The following LTAP1 variants were observed in gnomAD, a reference collection of about 807,000 sequenced individuals.
LTAP1 encodes lipid transport auxiliary protein 1.
At chr1:154,217,454 A>G in the LTAP1 span, among the ~76,000 whole-genome samples, 2 of 152,190 alleles carry the variant, frequency 1.3e-5, no homozygotes, top group South Asian at 2.1e-4. Context: ...TGCCTGTTCT[A>G]GAATTTCATA....
chr1:154,220,127 G>T, the LTAP1 span: 1 of 722,500 alleles, frequency 1.4e-6, no homozygotes, highest in African/African-American at 1.8e-5. Flanking sequence ...GAGGCGTGGG[G>T]TCTGTGCTCT....
chr1:154,209,272 G>T, the LTAP1 span, among the ~76,000 whole-genome samples: 2 of 151,326 alleles, frequency 1.3e-5, no homozygotes, highest in African/African-American at 4.9e-5. Context: ...TTCTGTCTCT[G>T]AGTTTGACTA....
the LTAP1 span, chr1:154,211,624 C>T: frequency 1.6e-4 from 24 of 151,328 alleles, no homozygotes; most frequent in East Asian, 3.5e-3. Context: ...CGTGAGCCAC[C>T]GCGCCCGGCC....
At chr1:154,215,983 G>C in the LTAP1 span, among the ~76,000 whole-genome samples, 3 of 151,526 alleles carry the variant, frequency 2.0e-5, no homozygotes, top group Admixed American at 6.6e-5. Context: ...GACTACAGGC[G>C]CCCGCCACCA....
the LTAP1 span, chr1:154,207,452 G>A: frequency 1.4e-5 from 22 of 1,613,820 alleles, no homozygotes; most frequent in Admixed American, 5.0e-5. Context: ...CTTCAGCTCC[G>A]TCACAGAGTA....
chr1:154,212,274 A>C, the LTAP1 span: 5 of 1,597,194 alleles, frequency 3.1e-6, no homozygotes, highest in Middle Eastern at 1.7e-4. Flanking sequence ...CAACAGTCCA[A>C]CACTACTGTA....
chr1:154,220,346 C>G, the LTAP1 span: 3 of 1,614,232 alleles, frequency 1.9e-6, no homozygotes, highest in African/African-American at 2.7e-5. Flanking sequence ...CCTCACCAGG[C>G]TCCCGTAGGC....
At chr1:154,215,578 A>G in the LTAP1 span, among the ~76,000 whole-genome samples, 3 of 151,682 alleles carry the variant, frequency 2.0e-5, no homozygotes, top group African/African-American at 7.3e-5. Flanking sequence ...AAAAAAAAAA[A>G]GATACTAAAG....
chr1:154,212,943 G>A, the LTAP1 span, among the ~76,000 whole-genome samples: 1 of 151,990 alleles, frequency 6.6e-6, no homozygotes, highest in South Asian at 2.1e-4. Flanking sequence ...AAAGCGTTGG[G>A]ATTACAGGCA....
At chr1:154,213,908 C>T in the LTAP1 span, 8 of 1,613,074 alleles carry the variant, frequency 5.0e-6, no homozygotes, top group South Asian at 8.8e-5. Context: ...GTACGAATGG[C>T]ATCCAGAGCT....
At chr1:154,212,235 T>C in the LTAP1 span, 2 of 1,401,990 alleles carry the variant, frequency 1.4e-6, no homozygotes, top group Non-Finnish European at 2.0e-6. Context: ...ATTTTGTTTA[T>C]ATGCTTTATG....
chr1:154,220,177 G>T, the LTAP1 span: 1 of 902,564 alleles, frequency 1.1e-6, no homozygotes, highest in Non-Finnish European at 1.8e-6. Flanking sequence ...AGGGCGGGTC[G>T]GCCCGACTAA....
At chr1:154,220,365 GCACGA>G in the LTAP1 span, 1 of 1,614,112 alleles carries the variant, frequency 6.2e-7, no homozygotes, top group African/African-American at 1.3e-5. Flanking sequence ...GCCATCACCA[GCACGA>G]CATTCACCCC....
At chr1:154,220,528 G>C in the LTAP1 span, 1 of 1,099,254 alleles carries the variant, frequency 9.1e-7, no homozygotes, top group African/African-American at 1.5e-5. Flanking sequence ...TTCCTTACGG[G>C]GGAAGACCAA....
chr1:154,215,645 T>C, the LTAP1 span, among the ~76,000 whole-genome samples: 4 of 152,026 alleles, frequency 2.6e-5, no homozygotes, highest in African/African-American at 9.7e-5. Flanking sequence ...TATTAATCTC[T>C]CTTACCTAAG....
the LTAP1 span, among the ~76,000 whole-genome samples, chr1:154,218,642 T>C: frequency 6.6e-6 from 1 of 152,222 alleles, no homozygotes; most frequent in Non-Finnish European, 1.5e-5. Flanking sequence ...AGCAACAAAT[T>C]ACAGAGTACC....
chr1:154,216,150 T>C, the LTAP1 span, among the ~76,000 whole-genome samples: 1 of 152,064 alleles, frequency 6.6e-6, no homozygotes, highest in Non-Finnish European at 1.5e-5. Context: ...CCACTAACTT[T>C]CAAGTCTTGT....
the LTAP1 span, among the ~76,000 whole-genome samples, chr1:154,217,199 TC>T: frequency 6.6e-6 from 1 of 152,106 alleles, no homozygotes. Flanking sequence ...TCCACCTGCC[TC>T]AGCCTCCCAA....
At chr1:154,208,898 C>T in the LTAP1 span, among the ~76,000 whole-genome samples, 1 of 152,090 alleles carries the variant, frequency 6.6e-6, no homozygotes, top group East Asian at 1.9e-4. Flanking sequence ...CAGGTGCATA[C>T]CACAATGCCC....
Sources: allele counts gnomAD v4.1 joint callset (sites outside exome capture counted in the v4.1 genomes callset), GRCh38; gene constraint gnomAD v4.1.1; transcripts MANE v1.5; gene names NCBI Gene and HGNC (gene_info 2026-07-23, HGNC 2026-07-21).